The following KTN1 variants were observed in gnomAD, a reference collection of about 807,000 sequenced individuals.
KTN1 encodes kinectin.
In KTN1, 130 loss-of-function variants were observed where a neutral mutation model predicts 222.5. The ratio of observed to expected loss-of-function variants is 0.58; its 90% CI spans 0.51 to 0.68. The LOEUF is 0.68. KTN1 is among the 30% of genes least tolerant of loss of function. The pLI is 0.00. For synonymous variants in KTN1, 512 were observed against 496.3 expected (o/e 1.03, Z -0.42); for missense variants, 1,508 against 1,500.4 (o/e 1.01, Z -0.08).
At chr14:55,586,074 A>G (rs927636370) in intron 1 of KTN1, among the ~76,000 whole-genome samples, 2 of 152,302 alleles carry the variant, frequency 1.3e-5, no homozygotes, top group South Asian at 2.1e-4. Context: ...TTGTTAAGGA[A>G]ACAATCTGGT....
At chr14:55,636,378 T>A in intron 9 of KTN1, 71 bp from the exon 10 acceptor site, 1 of 1,202,802 alleles carries the variant, frequency 8.3e-7, no homozygotes, top group Non-Finnish European at 1.2e-6. Context: ...GGATGCTTTT[T>A]TTCCCTCTTT....
chr14:55,631,372 AT>A (rs1274918521), intron 7 of KTN1, among the ~76,000 whole-genome samples: 1 of 143,162 alleles, frequency 7.0e-6, no homozygotes, highest in Non-Finnish European at 1.5e-5. Flanking sequence ...ATATATATGT[AT>A]TTTTTTTCAG....
chr14:55,677,334 G>C (rs78827441), intron 41 of KTN1, among the ~76,000 whole-genome samples: 1 of 151,910 alleles, frequency 6.6e-6, no homozygotes, highest in Admixed American at 6.6e-5. Flanking sequence ...AAAATTAGCC[G>C]GGTGTGGTGG....
intron 5 of KTN1, among the ~76,000 whole-genome samples, chr14:55,625,211 A>G (rs574285192): frequency 1.3e-5 from 2 of 152,286 alleles, no homozygotes; most frequent in Non-Finnish European, 2.9e-5. Flanking sequence ...AATGGGAATG[A>G]TCAAGTTTTG....
chr14:55,637,501 G>C (rs2041272861), intron 11 of KTN1, 137 bp downstream of exon 11: 2 of 723,386 alleles, frequency 2.8e-6, no homozygotes, highest in African/African-American at 3.6e-5. Flanking sequence ...TGTCTTTTGA[G>C]CACTTGTCAC....
intron 43 of KTN1, chr14:55,680,921 T>C: frequency 2.8e-6 from 1 of 363,262 alleles, no homozygotes; most frequent in Non-Finnish European, 5.4e-6. Context: ...ATAACCTTGC[T>C]TCCTAGGGAA....
intron 7 of KTN1, among the ~76,000 whole-genome samples, chr14:55,630,736 G>A (rs567523599): frequency 6.6e-6 from 1 of 152,202 alleles, no homozygotes. Context: ...TTTAAGCAAC[G>A]CAGCAGTCGC....
chr14:55,667,169 GTTTTT>G (rs531123897), intron 33 of KTN1, 67 bp from the exon 34 acceptor site: 4 of 986,548 alleles, frequency 4.1e-6, no homozygotes, highest in Admixed American at 2.5e-5. Context: ...AAACACTATA[GTTTTT>G]TTCTTTTCTT....
chr14:55,653,294 AT>A (rs1339904723), intron 27 of KTN1, among the ~76,000 whole-genome samples: 2 of 152,192 alleles, frequency 1.3e-5, no homozygotes, highest in African/African-American at 4.8e-5. Context: ...GCCTACAAGC[AT>A]TTCCTTATCT....
rs1352062295 is a variant in KTN1, at chr14:55,671,616, G to A, written c.3399G>A (p.Gln1133=). The A allele has an allele frequency of 6.2e-7, 1 of 1,613,040 alleles. No homozygotes were observed. The highest frequency in any genetic ancestry group is 2.2e-5 in the East Asian group (1 of 44,826). Residue 1133 remains glutamine, a synonymous_variant, in exon 36 of 44, where the codon CAG becomes CAA. Coordinates refer to ENST00000395314, the MANE Select transcript of KTN1 (RefSeq NM_001079521.2). The part of the protein sequence containing the change: ...KEADEMHTLL[Q]LECEKYKSVL... ...CTGATGAAATGCACACATTGTTACA[G>A]CTAGAGTGTGAAAAATACAAATCCG...
intron 43 of KTN1, chr14:55,680,486 T>C (rs563607931): frequency 4.4e-4 from 169 of 384,504 alleles, no homozygotes; most frequent in South Asian, 3.3e-3. Flanking sequence ...TCAGATATTC[T>C]TCTTTTGAAG....
intron 19 of KTN1, 65 bp downstream of exon 19, chr14:55,647,072 A>T: frequency 6.1e-6 from 6 of 989,106 alleles, no homozygotes; most frequent in Non-Finnish European, 9.5e-6. Context: ...TACATTAATT[A>T]GAGTTTTAAA....
chr14:55,675,996 A>C (rs1449489124), intron 41 of KTN1, 78 bp downstream of exon 41: 1 of 904,026 alleles, frequency 1.1e-6, no homozygotes, highest in Non-Finnish European at 1.7e-6. Flanking sequence ...TTATGCTGCT[A>C]ATTCTGGATT....
chr14:55,649,726 C>T, intron 21 of KTN1, 50 bp from the exon 22 acceptor site: 1 of 1,051,592 alleles, frequency 9.5e-7, no homozygotes, highest in South Asian at 1.4e-5. Context: ...TATTTCTGAC[C>T]CATTTCTATT....
chr14:55,675,738 T>C, intron 40 of KTN1, 97 bp from the exon 41 acceptor site: 1 of 763,228 alleles, frequency 1.3e-6, no homozygotes, highest in Non-Finnish European at 2.2e-6. Context: ...ACATAATAAC[T>C]GTTAGCAGTC....
intron 14 of KTN1, 109 bp from the exon 15 acceptor site, chr14:55,640,265 A>G: frequency 1.3e-6 from 1 of 780,894 alleles, no homozygotes; most frequent in Non-Finnish European, 2.1e-6. Flanking sequence ...ATTATTTGGG[A>G]AATTTTGTAA....
intron 5 of KTN1, among the ~76,000 whole-genome samples, chr14:55,626,068 T>G (rs1299995403): frequency 6.6e-6 from 1 of 152,160 alleles, no homozygotes; most frequent in Non-Finnish European, 1.5e-5. Flanking sequence ...ACAGTATGCC[T>G]TTTCAGTCAT....
intron 29 of KTN1, 139 bp from the exon 30 acceptor site, chr14:55,658,407 A>G (rs763439761): frequency 4.9e-6 from 3 of 615,120 alleles, no homozygotes; most frequent in African/African-American, 3.9e-5. Flanking sequence ...ATGTTTTAAT[A>G]AAGAGCTTAT....
In KTN1 at chr14:55,608,026, A is replaced by G. The variant is rs368114373; in HGVS notation, c.-30-3993A>G. Reference sequence around the variant, plus strand: ...CGTCTACATGTCTCCATGTTTTTCAACTCAACAAACATGTATTGAATTGTA... The same window carrying G: ...CGTCTACATGTCTCCATGTTTTTCAGCTCAACAAACATGTATTGAATTGTA... On this transcript the variant is annotated intron_variant, in intron 1 of 43. Transcript: ENST00000395314. 1.6e-4 allele frequency among the ~76,000 whole-genome samples: 25 copies of G among 152,358 alleles called. No individual in the cohort carries two copies. In the East Asian group the frequency reaches 3.7e-3, roughly 22 times the overall value.
Sources: gnomAD v4.1 joint callset for allele counts (sites outside exome capture counted in the v4.1 genomes callset) on GRCh38, gnomAD v4.1.1 for gene constraint, MANE v1.5 for transcripts, NCBI Gene and HGNC (gene_info 2026-07-23, HGNC 2026-07-21) for gene names.